The following ZNF567 variants were observed in gnomAD, a reference collection of about 807,000 sequenced individuals.
ZNF567 encodes zinc finger protein 567.
ZNF567 carries 36 observed loss-of-function variants against 53.9 expected under a neutral mutation model. The ratio of observed to expected loss-of-function variants is 0.67; its 90% CI spans 0.51 to 0.88. The LOEUF (loss-of-function observed/expected upper bound fraction) is 0.88, where lower values mean the gene tolerates loss of function less well. ZNF567 is among the 40% of genes least tolerant of loss of function. The pLI is 0.00. For synonymous variants in ZNF567, 224 were observed against 260.4 expected (o/e 0.86, Z 1.35); for missense variants, 619 against 764.7 (o/e 0.81, Z 2.25).
At chr19:36,675,853 A>G in the ZNF567 span, among the ~76,000 whole-genome samples, 1 of 152,170 alleles carries the variant, frequency 6.6e-6, no homozygotes, top group African/African-American at 2.4e-5. Flanking sequence ...TGTCTCAAAC[A>G]AAAACAAAAA....
In ZNF567 at chr19:36,706,012, T is replaced by C. The variant is rs759489747; in HGVS notation, c.10-6374T>C. Among the ~76,000 whole-genome samples, 19 of 152,204 alleles carry C rather than the reference T, an allele frequency of 1.2e-4. 1 individual carries two copies. Among genetic ancestry groups the C allele is most frequent in the Non-Finnish European group, 2.4e-4 (16 of 68,034 alleles). On this transcript the variant is annotated intron_variant, in intron 3 of 5. Transcript: ENST00000682579. ...AGAATGCCTGAAACTGGATAATTTA[T>C]GAAGAACAAAAATAAATTTTCTCAC... is the stretch of plus-strand genomic sequence containing the variant.
At position 36,719,315 on chromosome 19, in the gene ZNF567, T is replaced by A; in HGVS notation, c.591T>A (p.Leu197=). ...GAGCTTTCAGTCATAATGAAGTTCT[T>A]ATGCAGTATCAGAAAACGGAAACTC... ...SARAFSHNEV[L]MQYQKTETPA... is the part of the protein sequence containing the mutation. Residue 197 remains leucine, a synonymous_variant, in exon 6 of 6, where the codon CTT becomes CTA. Coordinates refer to ENST00000682579, the MANE Select transcript of ZNF567 (RefSeq NM_001322917.1). 6.2e-7 allele frequency: 1 copy of A among 1,613,084 alleles called. No homozygotes were observed. Among genetic ancestry groups the A allele is most frequent in the Non-Finnish European group, 8.5e-7 (1 of 1,179,786 alleles).
chr19:36,674,464 T>A, the ZNF567 span, among the ~76,000 whole-genome samples: 1 of 152,166 alleles, frequency 6.6e-6, no homozygotes, highest in Non-Finnish European at 1.5e-5. Context: ...GCCTTACAGA[T>A]TAGAGTCTGT....
chr19:36,694,911 CTTT>C (rs36094586), intron 3 of ZNF567, 35 bp downstream of exon 3: 3,111 of 1,359,920 alleles, frequency 2.3e-3, no homozygotes, highest in Admixed American at 3.8e-3. Context: ...TTCTGAAAGT[CTTT>C]TTTTTTTTTT....
At chr19:36,707,779 A>G (rs2039572523) in intron 3 of ZNF567, among the ~76,000 whole-genome samples, 1 of 152,042 alleles carries the variant, frequency 6.6e-6, no homozygotes, top group African/African-American at 2.4e-5. Flanking sequence ...GGGTTTCACC[A>G]TTTTGTCCAG....
chr19:36,721,501 A>G (rs181610660), downstream of ZNF567, among the ~76,000 whole-genome samples: 1 of 152,296 alleles, frequency 6.6e-6, no homozygotes, highest in Non-Finnish European at 1.5e-5. Context: ...CTATTAATAA[A>G]TCATGGACAT....
At chr19:36,684,293 G>A (rs1226855169), upstream of ZNF567, among the ~76,000 whole-genome samples, 1 of 152,064 alleles carries the variant, frequency 6.6e-6, no homozygotes. Flanking sequence ...AAGTGATTTG[G>A]AATAAAGTGT....
chr19:36,671,759 C>T, the ZNF567 span, among the ~76,000 whole-genome samples: 3 of 152,184 alleles, frequency 2.0e-5, no homozygotes, highest in African/African-American at 7.2e-5. Context: ...AGAGACTGAA[C>T]ATTTAATCAT....
At chr19:36,685,468 A>G (rs1361987788), upstream of ZNF567, 1 of 152,158 alleles carries the variant, frequency 6.6e-6, no homozygotes, top group African/African-American at 2.4e-5. Context: ...CCATGTGCCC[A>G]TAAGGTCCTG....
intron 5 of ZNF567, among the ~76,000 whole-genome samples, chr19:36,713,457 A>G (rs1324170047): frequency 6.6e-6 from 1 of 151,742 alleles, no homozygotes; most frequent in Non-Finnish European, 1.5e-5. Flanking sequence ...GTCTCAAAAA[A>G]AAAAAAGCCA....
At chr19:36,722,126 T>G (rs2040310231), downstream of ZNF567, among the ~76,000 whole-genome samples, 1 of 152,132 alleles carries the variant, frequency 6.6e-6, no homozygotes, top group South Asian at 2.1e-4. Context: ...ATTTTGATGT[T>G]TGAGAATTGG....
intron 3 of ZNF567, among the ~76,000 whole-genome samples, chr19:36,711,071 T>TG (rs1220161251): frequency 2.3e-4 from 32 of 136,694 alleles, no homozygotes; most frequent in East Asian, 1.1e-3. Flanking sequence ...GCTCTCACTT[T>TG]TTGTGTGTGT....
intron 3 of ZNF567, among the ~76,000 whole-genome samples, chr19:36,710,671 T>C (rs77195067): frequency 0.021 from 3,251 of 152,264 alleles, 50 homozygotes; most frequent in Middle Eastern, 0.054. Context: ...TGCTTTTCTC[T>C]CAATCAAGGA....
intron 3 of ZNF567, among the ~76,000 whole-genome samples, chr19:36,703,410 G>A (rs1332341635): frequency 5.3e-5 from 8 of 151,940 alleles, no homozygotes; most frequent in South Asian, 4.2e-4. Flanking sequence ...CAGTCTGCCC[G>A]TTCTCAGATC....
Position 36,720,251 on chromosome 19 carries a change from A to G in ZNF567, c.1527A>G (p.Glu509=). The change falls in exon 6 of 6, where the codon GAA becomes GAG. Residue 509 remains glutamate, a synonymous_variant. Coordinates refer to ENST00000682579, the MANE Select transcript of ZNF567 (RefSeq NM_001322917.1). ...GAGAGAAACCATATGAATGTAATGAATGTGGTAAATCATTCAGTCAAAAGA... is the reference window on the plus strand; with the variant it reads ...GAGAGAAACCATATGAATGTAATGAGTGTGGTAAATCATTCAGTCAAAAGA... The part of the protein sequence containing the change: ...HTGEKPYECN[E]CGKSFSQKTN... 1.2e-6 allele frequency: 2 copies of G among 1,614,048 alleles called. No homozygotes were observed. Among genetic ancestry groups the G allele is most frequent in the Non-Finnish European group, 1.7e-6 (2 of 1,179,998 alleles).
At chr19:36,685,244 C>T (rs536958750), upstream of ZNF567, among the ~76,000 whole-genome samples, 16 of 152,228 alleles carry the variant, frequency 1.1e-4, no homozygotes, top group East Asian at 1.4e-3. Context: ...GTCGAGATCA[C>T]GCCACTGCAC....
intron 3 of ZNF567, among the ~76,000 whole-genome samples, chr19:36,695,492 G>A (rs1420003133): frequency 1.3e-5 from 2 of 152,058 alleles, no homozygotes; most frequent in Non-Finnish European, 2.9e-5. Context: ...TTACGCTGCT[G>A]CACTCCAGCA....
chr19:36,715,494 AATAATAATAATAATAATT>A (rs758506611), intron 5 of ZNF567, among the ~76,000 whole-genome samples: 10,809 of 76,798 alleles, frequency 0.14, 499 homozygotes, highest in Non-Finnish European at 0.15. Context: ...TAATAATAAT[AATAATAATAATAATAATT>A]ATTATTATTA....
downstream of ZNF567, chr19:36,723,469 TTTTATA>T (rs1237490611): frequency 2.5e-5 from 12 of 487,560 alleles, 1 homozygote. Context: ...TATATTCATG[TTTTATA>T]GCTCTTGAAT....
Sources: allele counts gnomAD v4.1 joint callset (sites outside exome capture counted in the v4.1 genomes callset), GRCh38; gene constraint gnomAD v4.1.1; transcripts MANE v1.5; gene names NCBI Gene and HGNC (gene_info 2026-07-23, HGNC 2026-07-21).